GRID2: variants seen among roughly 807,000 people sequenced by gnomAD.
The protein encoded by GRID2 is glutamate receptor ionotropic, delta-2.
A neutral mutation model predicts 114.8 loss-of-function variants in GRID2; 33 were observed. That is an observed-to-expected ratio of 0.29 (90% CI 0.22 to 0.38). GRID2 has a LOEUF of 0.38. Among genes scored for constraint, GRID2 ranks in the 10% least tolerant of loss-of-function variants. The pLI is 1.00. For missense variants in GRID2, 1,184 were observed against 1,257.7 expected (o/e 0.94, Z 0.89); for synonymous variants, 505 against 449.9 (o/e 1.12, Z -1.55).
intron 13 of GRID2, among the ~76,000 whole-genome samples, chr4:93,539,598 G>A (rs780345951): frequency 2.2e-4 from 34 of 151,832 alleles, no homozygotes; most frequent in Non-Finnish European, 4.1e-4. Flanking sequence ...TTTGATTTTG[G>A]TAACACAGTA....
At chr4:93,174,427 A>G (rs11737301) in intron 4 of GRID2, among the ~76,000 whole-genome samples, 4 of 152,134 alleles carry the variant, frequency 2.6e-5, no homozygotes, top group African/African-American at 9.7e-5. Context: ...AGATTCATCT[A>G]AGTTGTTTCA....
chr4:92,641,433 C>A (rs1031587321), intron 2 of GRID2, among the ~76,000 whole-genome samples: 1 of 143,808 alleles, frequency 7.0e-6, no homozygotes, highest in Admixed American at 7.2e-5. Flanking sequence ...TGCCACCGAG[C>A]CTGGCCAATA....
At chr4:92,987,927 T>C (rs1296143751) in intron 2 of GRID2, among the ~76,000 whole-genome samples, 1 of 152,208 alleles carries the variant, frequency 6.6e-6, no homozygotes, top group Admixed American at 6.5e-5. Flanking sequence ...CCTCATGAGA[T>C]GTTTGAGGGA....
chr4:93,452,712 TAAC>T (rs1236886649), intron 10 of GRID2, among the ~76,000 whole-genome samples: 1 of 152,046 alleles, frequency 6.6e-6, no homozygotes, highest in Non-Finnish European at 1.5e-5. Context: ...CTCTATATAA[TAAC>T]AGTAGGATTA....
At chr4:92,420,827 G>A (rs1731869042) in intron 1 of GRID2, among the ~76,000 whole-genome samples, 1 of 152,124 alleles carries the variant, frequency 6.6e-6, no homozygotes, top group Non-Finnish European at 1.5e-5. Flanking sequence ...TGGGATTACA[G>A]GCACGTGCCA....
chr4:93,644,292 G>A (rs1721899238), intron 14 of GRID2, among the ~76,000 whole-genome samples: 1 of 48,154 alleles, frequency 2.1e-5, no homozygotes, highest in Admixed American at 1.5e-4. Flanking sequence ...CACGCTGGGA[G>A]CTGTAGACCG....
chr4:92,475,564 G>T (rs372507999), intron 1 of GRID2, among the ~76,000 whole-genome samples: 22 of 151,824 alleles, frequency 1.4e-4, no homozygotes, highest in East Asian at 9.7e-4. Flanking sequence ...ATGTTGCTTT[G>T]GTTACTATAG....
intron 2 of GRID2, among the ~76,000 whole-genome samples, chr4:92,930,377 C>G (rs1347540022): frequency 1.3e-5 from 2 of 151,190 alleles, no homozygotes; most frequent in African/African-American, 4.8e-5. Context: ...AAAGTCAAAA[C>G]ATTTGCTTGT....
chr4:93,091,572 C>T (rs940266396), intron 3 of GRID2, among the ~76,000 whole-genome samples: 25 of 152,138 alleles, frequency 1.6e-4, no homozygotes, highest in African/African-American at 6.0e-4. Context: ...TTGGTGCTCT[C>T]CCTCTACCTC....
chr4:93,729,658 C>G (rs909098780), intron 14 of GRID2, among the ~76,000 whole-genome samples: 5 of 151,732 alleles, frequency 3.3e-5, no homozygotes, highest in African/African-American at 1.2e-4. Context: ...CGATTCTCCT[C>G]CCTCAGCCTC....
chr4:93,568,718 C>T (rs954830666), intron 13 of GRID2, among the ~76,000 whole-genome samples: 1 of 152,130 alleles, frequency 6.6e-6, no homozygotes, highest in African/African-American at 2.4e-5. Flanking sequence ...TCAGGGAGTG[C>T]ACTATATATC....
At chr4:93,035,325 G>T (rs1294985159) in intron 2 of GRID2, among the ~76,000 whole-genome samples, 1 of 151,978 alleles carries the variant, frequency 6.6e-6, no homozygotes, top group Non-Finnish European at 1.5e-5. Flanking sequence ...TTTTGCCCAG[G>T]ATGGTCTTGA....
chr4:93,670,383 TA>T (rs1724308757), intron 14 of GRID2, among the ~76,000 whole-genome samples: 2 of 152,146 alleles, frequency 1.3e-5, no homozygotes, highest in Admixed American at 1.3e-4. Flanking sequence ...GCAAAAGTCA[TA>T]TTTTTTTCTA....
chr4:93,275,442 A>G (rs62307780), intron 8 of GRID2, among the ~76,000 whole-genome samples: 1 of 138,724 alleles, frequency 7.2e-6, no homozygotes, highest in Non-Finnish European at 1.6e-5. Context: ...ATATATATAT[A>G]TATATATACC....
At chr4:92,534,989 G>A (rs992053109) in intron 1 of GRID2, among the ~76,000 whole-genome samples, 2 of 151,984 alleles carry the variant, frequency 1.3e-5, no homozygotes, top group African/African-American at 4.8e-5. Flanking sequence ...ATTATTTTAG[G>A]AGCAAATATA....
intron 8 of GRID2, among the ~76,000 whole-genome samples, chr4:93,390,120 C>G (rs1000504528): frequency 2.0e-5 from 3 of 152,100 alleles, no homozygotes; most frequent in Non-Finnish European, 4.4e-5. Flanking sequence ...GGTTTTCAAC[C>G]TTGGCTATAC....
intron 11 of GRID2, among the ~76,000 whole-genome samples, chr4:93,471,500 G>T (rs12506825): frequency 6.6e-6 from 1 of 151,772 alleles, no homozygotes; most frequent in Non-Finnish European, 1.5e-5. Flanking sequence ...GATCCTAACC[G>T]GATGATCTAG....
At chr4:93,099,065 A>C (rs1368939553) in intron 3 of GRID2, among the ~76,000 whole-genome samples, 1 of 149,740 alleles carries the variant, frequency 6.7e-6, no homozygotes, top group Non-Finnish European at 1.5e-5. Flanking sequence ...TACATCAAAT[A>C]CTACATGTTG....
At chr4:93,328,148 A>G (rs1240231429) in intron 8 of GRID2, among the ~76,000 whole-genome samples, 5 of 151,990 alleles carry the variant, frequency 3.3e-5, no homozygotes, top group Non-Finnish European at 5.9e-5. Flanking sequence ...AACAAAAAAC[A>G]TGTCCTTTAG....
Sources: gnomAD v4.1 joint callset for allele counts (sites outside exome capture counted in the v4.1 genomes callset) on GRCh38, gnomAD v4.1.1 for gene constraint, MANE v1.5 for transcripts, NCBI Gene and HGNC (gene_info 2026-07-23, HGNC 2026-07-21) for gene names.